AUTS2: variants seen among roughly 807,000 people sequenced by gnomAD.
AUTS2 encodes the protein autism susceptibility gene 2 protein.
AUTS2 carries 17 observed loss-of-function variants against 112.4 expected under a neutral mutation model. That is an observed-to-expected ratio of 0.15 (90% CI 0.10 to 0.23). The LOEUF (loss-of-function observed/expected upper bound fraction) is 0.23. AUTS2 is among the 10% of genes least tolerant of loss of function. AUTS2 has a pLI of 1.00. For missense variants in AUTS2, 1,510 were observed against 1,701.6 expected (o/e 0.89, Z 1.98); for synonymous variants, 751 against 702.7 (o/e 1.07, Z -1.09).
chr7:69,754,627 C>A (rs898392458), intron 1 of AUTS2, among the ~76,000 whole-genome samples: 3 of 152,188 alleles, frequency 2.0e-5, no homozygotes, highest in African/African-American at 7.2e-5. Context: ...CTATTTAGGT[C>A]ATCTCCAGTG....
intron 1 of AUTS2, among the ~76,000 whole-genome samples, chr7:69,715,853 A>G (rs917829963): frequency 6.6e-6 from 1 of 152,198 alleles, no homozygotes; most frequent in African/African-American, 2.4e-5. Flanking sequence ...ACAACCTTGT[A>G]AGGTATAGGT....
chr7:70,174,424 G>C (rs1379387133), intron 4 of AUTS2, among the ~76,000 whole-genome samples: 1 of 152,210 alleles, frequency 6.6e-6, no homozygotes, highest in Admixed American at 6.5e-5. Flanking sequence ...TGGAGTAGCT[G>C]TGGCATGTTA....
At chr7:70,331,665 A>G (rs1343760824) in intron 4 of AUTS2, among the ~76,000 whole-genome samples, 2 of 152,182 alleles carry the variant, frequency 1.3e-5, no homozygotes, top group East Asian at 3.8e-4. Flanking sequence ...CTGGTTCAAC[A>G]TATGCAAATC....
At chr7:70,005,611 A>T (rs1554425787) in intron 2 of AUTS2, among the ~76,000 whole-genome samples, 3 of 152,028 alleles carry the variant, frequency 2.0e-5, no homozygotes, top group Non-Finnish European at 4.4e-5. Context: ...TTGCTCAAAG[A>T]GGGAAGTTTG....
At chr7:70,155,899 A>T (rs995993051) in intron 4 of AUTS2, among the ~76,000 whole-genome samples, 3 of 152,188 alleles carry the variant, frequency 2.0e-5, no homozygotes, top group African/African-American at 7.2e-5. Context: ...CAATCCCAGA[A>T]TCTCACTATC....
chr7:70,535,277 T>G (rs1254327140), intron 5 of AUTS2, among the ~76,000 whole-genome samples: 1 of 152,156 alleles, frequency 6.6e-6, no homozygotes, highest in Non-Finnish European at 1.5e-5. Flanking sequence ...ACTTGGTGCC[T>G]CTTATATTTT....
At chr7:69,721,001 A>G (rs1326417726) in intron 1 of AUTS2, among the ~76,000 whole-genome samples, 2 of 152,206 alleles carry the variant, frequency 1.3e-5, no homozygotes, top group Non-Finnish European at 2.9e-5. Flanking sequence ...CAAAAAGAAG[A>G]AGAGACTGGA....
chr7:70,347,614 G>A (rs1332787253), intron 4 of AUTS2, among the ~76,000 whole-genome samples: 1 of 152,164 alleles, frequency 6.6e-6, no homozygotes, highest in Non-Finnish European at 1.5e-5. Context: ...CCCCCTCTTA[G>A]ATGCCCTGCA....
chr7:70,521,629 T>C (rs1270807599), intron 5 of AUTS2, among the ~76,000 whole-genome samples: 4 of 152,202 alleles, frequency 2.6e-5, no homozygotes. Context: ...ACTACTGAAG[T>C]AAATTTTACT....
chr7:70,559,497 G>T, intron 5 of AUTS2, among the ~76,000 whole-genome samples: 1 of 151,920 alleles, frequency 6.6e-6, no homozygotes, highest in Non-Finnish European at 1.5e-5. Flanking sequence ...ACCACACCCA[G>T]CTAATTTTTG....
intron 14 of AUTS2, among the ~76,000 whole-genome samples, chr7:70,779,371 G>A (rs4718997): frequency 0.21 from 31,863 of 152,148 alleles, 3,678 homozygotes; most frequent in East Asian, 0.48. Context: ...TTACTGTGGC[G>A]GGCTGGGGGC....
chr7:70,003,162 T>G (rs1465284018), intron 2 of AUTS2, among the ~76,000 whole-genome samples: 2 of 138,470 alleles, frequency 1.4e-5, no homozygotes, highest in Non-Finnish European at 1.5e-5. Context: ...ATTATATATA[T>G]TCATATATAT....
chr7:70,514,102 T>C (rs1799316462), intron 5 of AUTS2, among the ~76,000 whole-genome samples: 1 of 152,244 alleles, frequency 6.6e-6, no homozygotes, highest in African/African-American at 2.4e-5. Flanking sequence ...TTTGGCTGTT[T>C]ATCTATATGA....
chr7:69,990,086 C>T (rs1233056091), intron 2 of AUTS2, among the ~76,000 whole-genome samples: 3 of 152,154 alleles, frequency 2.0e-5, no homozygotes, highest in East Asian at 3.9e-4. Flanking sequence ...ATTCAAAAAA[C>T]AGAAATAGCA....
At position 70,515,854 on chromosome 7, in the gene AUTS2, T is replaced by G. The variant is rs540408977; in HGVS notation, c.690+80073T>G. Reference sequence around the variant, plus strand: ...TAAGAGACCAGTTTCTGACAGGCAATGCATTTTAAAGTTGAGGGATTTGAA... The same window carrying G: ...TAAGAGACCAGTTTCTGACAGGCAAGGCATTTTAAAGTTGAGGGATTTGAA... On this transcript the variant is annotated intron_variant, in intron 5 of 18. Coordinates refer to ENST00000342771, the MANE Select transcript of AUTS2 (RefSeq NM_015570.4). Among the ~76,000 whole-genome samples the G allele has an allele frequency of 4.6e-4, 70 of 152,312 alleles. No homozygotes were observed. In the Middle Eastern group the frequency reaches 0.031, roughly 67 times the overall value.
intron 5 of AUTS2, among the ~76,000 whole-genome samples, chr7:70,605,685 A>C (rs1803720930): frequency 6.6e-6 from 1 of 151,744 alleles, no homozygotes; most frequent in Admixed American, 6.6e-5. Flanking sequence ...TCTTTCCCAT[A>C]AAAGGTGTTG....
intron 4 of AUTS2, among the ~76,000 whole-genome samples, chr7:70,374,583 G>T (rs1340126235): frequency 2.0e-5 from 3 of 152,162 alleles, no homozygotes; most frequent in Non-Finnish European, 4.4e-5. Flanking sequence ...TGTTTAGGCA[G>T]GACTGGCTTT....
intron 2 of AUTS2, among the ~76,000 whole-genome samples, chr7:70,075,637 A>G (rs1230561000): frequency 1.3e-5 from 2 of 152,170 alleles, no homozygotes; most frequent in East Asian, 1.9e-4. Flanking sequence ...GCTAAAAGGC[A>G]TTATCTTTTT....
chr7:70,196,125 A>AG (rs2129584446), intron 4 of AUTS2, among the ~76,000 whole-genome samples: 1 of 152,274 alleles, frequency 6.6e-6, no homozygotes, highest in South Asian at 2.1e-4. Context: ...GTGGAGTGAG[A>AG]GAAGAGGTCT....
Sources: gnomAD v4.1 joint callset for allele counts (sites outside exome capture counted in the v4.1 genomes callset) on GRCh38, gnomAD v4.1.1 for gene constraint, MANE v1.5 for transcripts, NCBI Gene and HGNC (gene_info 2026-07-23, HGNC 2026-07-21) for gene names.